CCNE1: variants seen among roughly 807,000 people sequenced by gnomAD.
The protein encoded by CCNE1 is cyclin E1, also known as G1/S-specific cyclin-E1.
A neutral mutation model predicts 54.1 loss-of-function variants in CCNE1; 8 were observed. That is an observed-to-expected ratio of 0.15 (90% CI 0.09 to 0.27). The LOEUF (loss-of-function observed/expected upper bound fraction) is 0.27, where lower values mean the gene tolerates loss of function less well. Ranked by LOEUF, CCNE1 falls within the 10% of genes least tolerant of loss-of-function variation. The pLI, the probability that CCNE1 is intolerant of heterozygous loss-of-function variation, is 1.00. For synonymous variants in CCNE1, 179 were observed against 185.2 expected (o/e 0.97, Z 0.27); for missense variants, 430 against 514.9 (o/e 0.84, Z 1.60).
At chr19:29,815,063 A>G (rs1973980456) in intron 4 of CCNE1, among the ~76,000 whole-genome samples, 1 of 152,230 alleles carries the variant, frequency 6.6e-6, no homozygotes, top group Non-Finnish European at 1.5e-5. Flanking sequence ...TGTACACTCA[A>G]GGACATAGAC....
At position 29,820,729 on chromosome 19, in the gene CCNE1, G is replaced by C; in HGVS notation, c.490G>C (p.Glu164Gln). 6.2e-7 allele frequency: 1 copy of C among 1,612,286 alleles called. No individual in the cohort carries two copies. The highest frequency in any genetic ancestry group is 8.5e-7 in the Non-Finnish European group (1 of 1,178,870). The part of the protein sequence containing the change: ...EVCEVYKLHR[E>Q]TFYLAQDFFD... ...GTGTGAAGTCTATAAACTTCACAGG[G>C]AGACCTTTTACTTGGCACAAGATTT... The change falls in exon 7 of 12, where the codon GAG becomes CAG. Residue 164 changes from glutamate to glutamine, a missense_variant. Coordinates refer to ENST00000262643, the MANE Select transcript of CCNE1 (RefSeq NM_001238.4).
chr19:29,818,556 C>T (rs1010707223), intron 6 of CCNE1, among the ~76,000 whole-genome samples: 1 of 152,222 alleles, frequency 6.6e-6, no homozygotes, highest in Non-Finnish European at 1.5e-5. Context: ...TTATCTTAAA[C>T]AGGTCTGACA....
At chr19:29,820,958 T>A in intron 7 of CCNE1, 110 bp downstream of exon 7, 1 of 812,822 alleles carries the variant, frequency 1.2e-6, no homozygotes, top group Non-Finnish European at 2.0e-6. Flanking sequence ...TAAATTTTTC[T>A]GATTTGCTAC....
At position 29,820,779 on chromosome 19, in the gene CCNE1, A is replaced by G; in HGVS notation, c.540A>G (p.Gln180=). The change falls in exon 7 of 12, where the codon CAA becomes CAG. Residue 180 remains glutamine, a synonymous_variant. Transcript: ENST00000262643. ...TCTTTGACCGGTATATGGCGACACA[A>G]GAAAATGTTGTAAAAACTCTTTTAC... The part of the protein sequence containing the change: ...QDFFDRYMAT[Q]ENVVKTLLQL... 1 of 1,610,050 alleles carries G rather than the reference A, an allele frequency of 6.2e-7. No individual in the cohort carries two copies. Among genetic ancestry groups the G allele is most frequent in the Non-Finnish European group, 8.5e-7 (1 of 1,176,948 alleles).
In CCNE1 at chr19:29,812,677, C is replaced by T. The variant is rs2145714933; in HGVS notation, c.24-12C>T. 1 of 1,579,208 alleles carries T rather than the reference C, an allele frequency of 6.3e-7. No individual in the cohort carries two copies. The highest frequency in any genetic ancestry group is 8.6e-7 in the Non-Finnish European group (1 of 1,164,564). On this transcript the variant is annotated splice_polypyrimidine_tract_variant and intron_variant, in intron 2 of 11. Transcript: ENST00000262643. ...GGGTGCTCACCCGGCCCGGTGCCAC[C>T]CGGGTCCACAGGGATGCGAAGGAGC... is the stretch of plus-strand genomic sequence containing the variant.
chr19:29,823,189 C>T (rs1399858848), intron 11 of CCNE1, among the ~76,000 whole-genome samples: 1 of 152,060 alleles, frequency 6.6e-6, no homozygotes, highest in Non-Finnish European at 1.5e-5. Context: ...GGCAGAAGGA[C>T]TGCTTAAGCT....
At chr19:29,821,065 G>C (rs1301639401) in intron 7 of CCNE1, among the ~76,000 whole-genome samples, 2 of 151,868 alleles carry the variant, frequency 1.3e-5, no homozygotes, top group Non-Finnish European at 2.9e-5. Context: ...GGTTCATGTA[G>C]TTACATTGAG....
intron 6 of CCNE1, 73 bp downstream of exon 6, chr19:29,817,614 T>C (rs1412286216): frequency 1.8e-5 from 28 of 1,519,194 alleles, no homozygotes; most frequent in Non-Finnish European, 2.4e-5. Context: ...TTAGGACCTC[T>C]GTGTGGTTTA....
rs571092461 is a variant in CCNE1, at chr19:29,821,739, G to A, written c.627G>A (p.Lys209=). The change falls in exon 8 of 12, where the codon AAG becomes AAA. Residue 209 remains lysine (K), a synonymous_variant. Transcript: ENST00000262643. ...AAKLEEIYPP[K]LHQFAYVTDG... is the part of the protein sequence containing the mutation. ...CCTTTCAGGAAATCTATCCTCCAAA[G>A]TTGCACCAGTTTGCGTATGTGACAG... 9.9e-6 allele frequency: 16 copies of A among 1,609,422 alleles called. No individual in the cohort carries two copies. Among genetic ancestry groups the A allele is most frequent in the African/African-American group, 2.7e-5 (2 of 74,782 alleles).
rs1974162974 is a variant in CCNE1 at position 29,822,116 on chromosome 19, A to G, written c.826A>G (p.Ile276Val). 1 of 1,613,622 alleles carries G rather than the reference A, an allele frequency of 6.2e-7. No homozygotes were observed. Among genetic ancestry groups the G allele is most frequent in the Non-Finnish European group, 8.5e-7 (1 of 1,179,950 alleles). ...LLPQYPQQIF[I>V]QIAELLDLCV... Reference sequence around the variant, plus strand: ...GCCGCAGTATCCCCAGCAAATCTTTATACAGATTGCAGAGGTAAGTGGCTC... The same window carrying G: ...GCCGCAGTATCCCCAGCAAATCTTTGTACAGATTGCAGAGGTAAGTGGCTC... The change falls in exon 9 of 12, where the codon ATA becomes GTA. Residue 276 changes from isoleucine (I) to valine (V), a missense_variant. Physicochemically the swap from Ile to Val is conservative, Grantham distance 29 (BLOSUM62 3). Around this residue, in one of 2 missense-constraint regions of CCNE1, gnomAD observed 303 missense variants for 401.1 expected, o/e 0.76. Coordinates refer to ENST00000262643, the MANE Select transcript of CCNE1 (RefSeq NM_001238.4).
chr19:29,822,682 G>T (rs1157857649), intron 11 of CCNE1, 79 bp downstream of exon 11: 1 of 1,446,462 alleles, frequency 6.9e-7, no homozygotes, highest in South Asian at 1.3e-5. Flanking sequence ...GGTGGTTCAG[G>T]CCTGTAAACC....
chr19:29,820,159 C>T (rs2145725704), intron 6 of CCNE1, among the ~76,000 whole-genome samples: 1 of 152,316 alleles, frequency 6.6e-6, no homozygotes, highest in Non-Finnish European at 1.5e-5. Flanking sequence ...GACTAACAGG[C>T]AGGTGGCCTA....
At chr19:29,815,881 G>A (rs1238010042) in intron 4 of CCNE1, among the ~76,000 whole-genome samples, 3 of 151,682 alleles carry the variant, frequency 2.0e-5, no homozygotes, top group Admixed American at 2.0e-4. Context: ...AATGCCAGGT[G>A]CGGTGGCTCA....
intron 4 of CCNE1, among the ~76,000 whole-genome samples, chr19:29,814,640 T>TACAACAG (rs1973968621): frequency 6.6e-6 from 1 of 152,176 alleles, no homozygotes; most frequent in Non-Finnish European, 1.5e-5. Flanking sequence ...AACTTGGGGG[T>TACAACAG]ACAACAGAAC....
chr19:29,818,340 T>G (rs969265499), intron 6 of CCNE1, among the ~76,000 whole-genome samples: 2 of 152,128 alleles, frequency 1.3e-5, no homozygotes, highest in African/African-American at 4.8e-5. Context: ...TTTTGTATTT[T>G]TAGAAGAAAC....
At chr19:29,813,184 A>AC (rs1287152644) in intron 4 of CCNE1, 147 bp downstream of exon 4, 1 of 683,106 alleles carries the variant, frequency 1.5e-6, no homozygotes, top group Non-Finnish European at 2.5e-6. Context: ...CCAGCACTGT[A>AC]CCTGTCAGTG....
At chr19:29,817,680 G>T in intron 6 of CCNE1, 139 bp downstream of exon 6, 2 of 881,346 alleles carry the variant, frequency 2.3e-6, no homozygotes, top group Non-Finnish European at 1.7e-6. Flanking sequence ...TACTGTGGTG[G>T]TCTTTCTGTT....
In CCNE1 at chr19:29,817,129, A is replaced by G. The variant is rs1249929648; in HGVS notation, c.181-8A>G. ...ATCTCACCTCTCCTGTGTATTTTTCATTTACAGCCTTGGGACAATAATGCA... is the reference window on the plus strand; with the variant it reads ...ATCTCACCTCTCCTGTGTATTTTTCGTTTACAGCCTTGGGACAATAATGCA... On this transcript the variant is annotated splice_polypyrimidine_tract_variant and splice_region_variant and intron_variant, in intron 4 of 11. Transcript: ENST00000262643. 6.2e-7 allele frequency: 1 copy of G among 1,612,240 alleles called. No homozygotes were observed. Among genetic ancestry groups the G allele is most frequent in the Non-Finnish European group, 8.5e-7 (1 of 1,179,284 alleles).
intron 3 of CCNE1, 71 bp from the exon 4 acceptor site, chr19:29,812,898 T>C: frequency 6.2e-7 from 1 of 1,600,816 alleles, no homozygotes; most frequent in African/African-American, 1.3e-5. Context: ...CTGATCAGCT[T>C]TCTCTTCTTC....
Sources: gnomAD v4.1 joint callset for allele counts (sites outside exome capture counted in the v4.1 genomes callset) on GRCh38, gnomAD v4.1.1 for gene constraint, gnomAD v4.1.1 regional missense constraint, MANE v1.5 for transcripts, NCBI Gene and HGNC (gene_info 2026-07-23, HGNC 2026-07-21) for gene names.